FXYD3: variants seen among roughly 807,000 people sequenced by gnomAD.
FXYD3 encodes FXYD domain containing ion transport regulator 3.
FXYD3 carries 13 observed loss-of-function variants against 19.2 expected under a neutral mutation model. The observed-to-expected ratio is 0.68, with a 90% CI of 0.44 to 1.08. The LOEUF is 1.08. Ranked by LOEUF, FXYD3 falls within the 50% of genes least tolerant of loss-of-function variation. The pLI is 0.00. For missense variants in FXYD3, 101 were observed against 109.4 expected (o/e 0.92, Z 0.34); for synonymous variants, 48 against 38.9 (o/e 1.23, Z -0.87).
At position 35,122,603 on chromosome 19, in the gene FXYD3, G is replaced by A. The variant is rs560103352; in HGVS notation, c.98-162G>A. 1.6e-4 allele frequency: 102 copies of A among 634,380 alleles called. No individual in the cohort carries two copies. The East Asian group carries it at 2.4e-3, about 15-fold the overall frequency. The allele number at this position is 634,380 out of a possible 1,614,324, so 39.3% of individuals were successfully genotyped here. ...CACGACAGATCGTGTTTGCTGGTGT[G>A]TGAACCAGAATGTGAGCACCTGGGA... On this transcript the variant is annotated intron_variant, in intron 5 of 8. Coordinates refer to ENST00000604404, the MANE Select transcript of FXYD3 (RefSeq NM_005971.4).
chr19:35,116,620 G>T (rs1425620201), intron 2 of FXYD3: 2 of 985,206 alleles, frequency 2.0e-6, no homozygotes, highest in Admixed American at 6.2e-5. Context: ...GTGTCTGAAA[G>T]ACTAGTGTCT....
At chr19:35,120,307 C>T (rs978106333) in intron 3 of FXYD3, among the ~76,000 whole-genome samples, 2 of 152,022 alleles carry the variant, frequency 1.3e-5, no homozygotes, top group African/African-American at 4.8e-5. Context: ...GCCTGGCTAA[C>T]TTTTGTATTT....
chr19:35,117,100 A>C, intron 2 of FXYD3: 5 of 985,360 alleles, frequency 5.1e-6, no homozygotes, highest in Non-Finnish European at 6.0e-6. Flanking sequence ...CATCAGCTGC[A>C]GGGCTGCCTT....
At chr19:35,118,569 T>A (rs1426870733) in intron 2 of FXYD3, 1 of 991,482 alleles carries the variant, frequency 1.0e-6, no homozygotes, top group Non-Finnish European at 1.2e-6. Flanking sequence ...AGAAAGTGTT[T>A]GCTGTCACCA....
intron 2 of FXYD3, chr19:35,119,140 T>C: frequency 6.6e-7 from 1 of 1,508,576 alleles, no homozygotes; most frequent in Non-Finnish European, 9.0e-7. Flanking sequence ...CCATGTCCAG[T>C]GAGTTATTAT....
Position 35,123,680 on chromosome 19 carries a change from G to A in FXYD3, c.*223G>A. Reference sequence around the variant, plus strand: ...CAAGCAGCCTGGAGACTTCCTATGTGTGCATTGGGGTGGGGCTTGGGGCAC... The same window carrying A: ...CAAGCAGCCTGGAGACTTCCTATGTATGCATTGGGGTGGGGCTTGGGGCAC... On this transcript the variant is annotated 3_prime_UTR_variant, in exon 9 of 9. Coordinates refer to ENST00000604404, the MANE Select transcript of FXYD3 (RefSeq NM_005971.4). The A allele has an allele frequency of 1.7e-6, 1 of 589,240 alleles. No homozygotes were observed. 36.5% of individuals were successfully genotyped at this position (589,240 alleles called of 1,614,324 possible).
chr19:35,118,600 G>T (rs2064957741), intron 2 of FXYD3: 1 of 996,976 alleles, frequency 1.0e-6, no homozygotes, highest in Admixed American at 5.6e-5. Context: ...TGGGCCTAGG[G>T]TAGGGTCAGG....
chr19:35,116,373 G>A lies in FXYD3; in HGVS notation c.-15+14G>A, dbSNP rs2092012430. On this transcript the variant is annotated intron_variant, in intron 2 of 8. Coordinates refer to ENST00000604404, the MANE Select transcript of FXYD3 (RefSeq NM_005971.4). ...TGAACCACACAGGTGAGCAGCTGGG[G>A]CCCCTTCCTCCAAGCCCTCCTTGTC... The A allele has an allele frequency of 1.0e-6, 1 of 985,364 alleles. No individual in the cohort carries two copies. Among genetic ancestry groups the A allele is most frequent in the Non-Finnish European group, 1.2e-6 (1 of 829,986 alleles). The allele number at this position is 985,364 out of a possible 1,614,324, so 61.0% of individuals were successfully genotyped here.
intron 5 of FXYD3, 158 bp from the exon 6 acceptor site, chr19:35,122,607 A>G: frequency 1.6e-6 from 1 of 641,460 alleles, no homozygotes; most frequent in Non-Finnish European, 2.8e-6. Flanking sequence ...TGGTGTGTGA[A>G]CCAGAATGTG....
At chr19:35,117,412 G>A (rs1056259464) in intron 2 of FXYD3, 24 of 1,421,946 alleles carry the variant, frequency 1.7e-5, no homozygotes, top group Non-Finnish European at 2.2e-5. Flanking sequence ...CAGAGCATAG[G>A]GCTTTAAGAT....
intron 2 of FXYD3, chr19:35,119,122 C>A: frequency 7.2e-7 from 1 of 1,386,886 alleles, no homozygotes; most frequent in Non-Finnish European, 1.0e-6. Flanking sequence ...TCCCAGAAAG[C>A]CTGAAGTCCA....
chr19:35,122,855 C>CG lies in FXYD3; in HGVS notation c.172+21dup. ...ATCGTCATGAGTGAGTGGAGGAGCT[C>CG]GGGGGAGCAGGCGGGCCGGGGCTGG... On this transcript the variant is annotated intron_variant, in intron 6 of 8. Transcript: ENST00000604404. The CG allele has an allele frequency of 1.2e-6, 2 of 1,613,814 alleles. No homozygotes were observed. The highest frequency in any genetic ancestry group is 1.7e-6 in the Non-Finnish European group (2 of 1,179,890).
intron 2 of FXYD3, among the ~76,000 whole-genome samples, chr19:35,117,575 C>T (rs989313139): frequency 6.6e-5 from 10 of 151,828 alleles, no homozygotes. Context: ...ATTACCAGGA[C>T]TCGTATGGTC....
intron 3 of FXYD3, chr19:35,119,713 C>G: frequency 2.1e-6 from 1 of 477,410 alleles, no homozygotes; most frequent in Non-Finnish European, 3.8e-6. Context: ...CTCTGTTGCT[C>G]AGGCTGGAGT....
chr19:35,116,221 C>G, intron 1 of FXYD3, 43 bp from the exon 2 acceptor site: 3 of 985,332 alleles, frequency 3.0e-6, no homozygotes, highest in Non-Finnish European at 1.2e-6. Flanking sequence ...AGGAATGGAG[C>G]CCCTGGGCCT....
At chr19:35,121,151 C>T in intron 4 of FXYD3, 41 bp downstream of exon 4, 2 of 1,614,082 alleles carry the variant, frequency 1.2e-6, no homozygotes, top group Non-Finnish European at 1.7e-6. Flanking sequence ...CCCCCAAATT[C>T]TCCCCTGGGT....
At chr19:35,120,470 C>G (rs975208513) in intron 3 of FXYD3, among the ~76,000 whole-genome samples, 1 of 152,198 alleles carries the variant, frequency 6.6e-6, no homozygotes, top group Non-Finnish European at 1.5e-5. Flanking sequence ...CAGCCTTGAC[C>G]TCCCAGGCTC....
chr19:35,122,433 G>C (rs2145342315), intron 5 of FXYD3, among the ~76,000 whole-genome samples: 1 of 152,296 alleles, frequency 6.6e-6, no homozygotes, highest in African/African-American at 2.4e-5. Context: ...GGGATATCAG[G>C]CGTGAGCCAC....
In FXYD3 at chr19:35,119,358, T is replaced by C; in HGVS notation, c.-14-5T>C. ...CTAAGGCCAGACCTCCCGCCACCCC[T>C]CTAGGCCAGCGCTCTGACATGCAGA... On this transcript the variant is annotated splice_region_variant and splice_polypyrimidine_tract_variant and intron_variant, in intron 2 of 8. Coordinates refer to ENST00000604404, the MANE Select transcript of FXYD3 (RefSeq NM_005971.4). 1 of 1,614,076 alleles carries C rather than the reference T, an allele frequency of 6.2e-7. No homozygotes were observed. The highest frequency in any genetic ancestry group is 8.5e-7 in the Non-Finnish European group (1 of 1,179,954).
Sources: gnomAD v4.1 joint callset for allele counts (sites outside exome capture counted in the v4.1 genomes callset) on GRCh38, gnomAD v4.1.1 for gene constraint, MANE v1.5 for transcripts, NCBI Gene and HGNC (gene_info 2026-07-23, HGNC 2026-07-21) for gene names.